MCC: variants seen among roughly 807,000 people sequenced by gnomAD.
The protein encoded by MCC is colorectal mutant cancer protein.
In MCC, 90 loss-of-function variants were observed where a neutral mutation model predicts 116.2. That is an observed-to-expected ratio of 0.77 (90% CI 0.65 to 0.92). The LOEUF is 0.92. Among genes scored for constraint, MCC ranks in the 40% least tolerant of loss-of-function variants. The pLI is 0.00. For missense variants in MCC, 1,516 were observed against 1,312.2 expected (o/e 1.16, Z -2.40); for synonymous variants, 578 against 510.5 (o/e 1.13, Z -1.78).
At chr5:113,144,371 A>G (rs2150286635) in intron 4 of MCC, among the ~76,000 whole-genome samples, 1 of 152,268 alleles carries the variant, frequency 6.6e-6, no homozygotes, top group African/African-American at 2.4e-5. Context: ...GTCCTTGTCT[A>G]CTACACTCGG....
At chr5:113,218,621 A>G (rs1008386107) in intron 3 of MCC, among the ~76,000 whole-genome samples, 61 of 152,372 alleles carry the variant, frequency 4.0e-4, no homozygotes, top group African/African-American at 1.4e-3. Flanking sequence ...GAGTTAAAAA[A>G]TGTTAAACAA....
chr5:113,097,616 G>A (rs1008470012), intron 8 of MCC, among the ~76,000 whole-genome samples: 2 of 152,162 alleles, frequency 1.3e-5, no homozygotes, highest in Admixed American at 1.3e-4. Flanking sequence ...ACCAAGGGGA[G>A]GTAGAGTGGG....
intron 12 of MCC, among the ~76,000 whole-genome samples, chr5:113,070,536 A>T (rs1287244937): frequency 1.3e-5 from 2 of 152,224 alleles, no homozygotes; most frequent in Non-Finnish European, 2.9e-5. Flanking sequence ...TTTGACCTAC[A>T]ATTCCTGCTT....
chr5:113,168,747 T>TG (rs1310815944), intron 3 of MCC, among the ~76,000 whole-genome samples: 1 of 151,896 alleles, frequency 6.6e-6, no homozygotes, highest in African/African-American at 2.4e-5. Context: ...TGGGTGGTGT[T>TG]GGGGGGAAAA....
chr5:113,027,237 T>C lies in MCC; in HGVS notation c.*65A>G. 1.3e-6 allele frequency: 2 copies of C among 1,552,492 alleles called. No individual in the cohort carries two copies. Among genetic ancestry groups the C allele is most frequent in the South Asian group, 2.4e-5 (2 of 84,478 alleles). On this transcript the variant is annotated 3_prime_UTR_variant, in exon 19 of 19. Coordinates refer to ENST00000408903, the MANE Select transcript of MCC (RefSeq NM_001085377.2). ...CTCCTCCCAACAAGTACATGGGCCC[T>C]TCTGTCCCCAGTGGCCTGCTGCAGT...
At chr5:113,090,915 A>G (rs1398839969) in intron 8 of MCC, among the ~76,000 whole-genome samples, 1 of 152,260 alleles carries the variant, frequency 6.6e-6, no homozygotes, top group Non-Finnish European at 1.5e-5. Flanking sequence ...GCCAGAAATG[A>G]GAAAGAAGGC....
intron 2 of MCC, among the ~76,000 whole-genome samples, chr5:113,362,672 T>G (rs1768578725): frequency 6.6e-6 from 1 of 152,124 alleles, no homozygotes; most frequent in Admixed American, 6.5e-5. Context: ...TGAGACAAAT[T>G]TTAAATTGTT....
intron 3 of MCC, among the ~76,000 whole-genome samples, chr5:113,212,762 C>A (rs1054869362): frequency 1.3e-5 from 2 of 152,202 alleles, no homozygotes; most frequent in African/African-American, 4.8e-5. Flanking sequence ...TTCCTGCCCA[C>A]AGGGAGCTCA....
intron 11 of MCC, among the ~76,000 whole-genome samples, chr5:113,079,747 G>A (rs1028998324): frequency 2.0e-5 from 3 of 152,156 alleles, no homozygotes; most frequent in Non-Finnish European, 4.4e-5. Flanking sequence ...CATAGGCATG[G>A]GCAAGGACTT....
At position 113,111,355 on chromosome 5, in the gene MCC, T is replaced by C. The variant is rs191517382; in HGVS notation, c.1028-7000A>G. 2.0e-3 allele frequency among the ~76,000 whole-genome samples: 302 copies of C among 152,242 alleles called. 1 individual carries two copies. Among genetic ancestry groups the C allele is most frequent in the Admixed American group, 5.4e-3 (83 of 15,300 alleles). On this transcript the variant is annotated intron_variant, in intron 6 of 18. Transcript: ENST00000408903. ...CCCAAAGCTCAGCACGTTAGGTTCA[T>C]TGGTGTATCTAAACAGTCCCAGTCA...
chr5:113,370,780 C>T (rs1486722425), intron 2 of MCC, among the ~76,000 whole-genome samples: 3 of 152,170 alleles, frequency 2.0e-5, no homozygotes, highest in East Asian at 3.8e-4. Flanking sequence ...ACACCCCCTC[C>T]CCTTCAACAC....
chr5:113,080,769 T>C (rs973678476), intron 11 of MCC, among the ~76,000 whole-genome samples: 3 of 150,970 alleles, frequency 2.0e-5, no homozygotes, highest in African/African-American at 7.3e-5. Context: ...AACCTGCACG[T>C]TGTGCACATA....
chr5:113,114,903 A>G (rs779105804), intron 6 of MCC, among the ~76,000 whole-genome samples: 3 of 152,002 alleles, frequency 2.0e-5, no homozygotes, highest in Non-Finnish European at 4.4e-5. Context: ...ATGCCAAACA[A>G]GAGTTTGGGT....
At chr5:113,245,697 A>G (rs1455540426) in intron 3 of MCC, among the ~76,000 whole-genome samples, 1 of 152,180 alleles carries the variant, frequency 6.6e-6, no homozygotes, top group African/African-American at 2.4e-5. Flanking sequence ...CAGTTTCAGT[A>G]ATAAATGTCT....
At chr5:113,189,439 AG>A (rs1163710257) in intron 3 of MCC, among the ~76,000 whole-genome samples, 2 of 152,220 alleles carry the variant, frequency 1.3e-5, no homozygotes, top group African/African-American at 4.8e-5. Flanking sequence ...GGTCTGCAAA[AG>A]TATGCCCTTT....
chr5:113,243,199 T>C (rs1490629357), intron 3 of MCC, among the ~76,000 whole-genome samples: 1 of 152,292 alleles, frequency 6.6e-6, no homozygotes, highest in East Asian at 1.9e-4. Context: ...TTTAATGGAA[T>C]GGTATCATGT....
intron 1 of MCC, among the ~76,000 whole-genome samples, chr5:113,418,424 T>G (rs915318919): frequency 6.6e-6 from 1 of 152,152 alleles, no homozygotes; most frequent in Non-Finnish European, 1.5e-5. Flanking sequence ...AGATTAAATA[T>G]ACATATGTTT....
At chr5:113,294,278 G>A in intron 3 of MCC, 1 of 1,612,732 alleles carries the variant, frequency 6.2e-7, no homozygotes, top group Non-Finnish European at 8.5e-7. Flanking sequence ...GGGATTTGTG[G>A]AAAAGCAAAC....
chr5:113,046,300 C>A (rs1438234355), intron 16 of MCC, among the ~76,000 whole-genome samples: 2 of 151,988 alleles, frequency 1.3e-5, no homozygotes, highest in African/African-American at 4.8e-5. Context: ...TCAAGCAGTT[C>A]TTGTGCCGCA....
Sources: gnomAD v4.1 joint callset for allele counts (sites outside exome capture counted in the v4.1 genomes callset) on GRCh38, gnomAD v4.1.1 for gene constraint, MANE v1.5 for transcripts, NCBI Gene and HGNC (gene_info 2026-07-23, HGNC 2026-07-21) for gene names.